The following ANK2 variants were observed in gnomAD, a reference collection of about 807,000 sequenced individuals.
The protein encoded by ANK2 is ankyrin 2, also known as ankyrin-2.
Under a neutral mutation model 360.5 loss-of-function variants are expected in ANK2, and 83 were observed. The observed-to-expected ratio is 0.23, with a 90% CI of 0.19 to 0.28. The LOEUF (loss-of-function observed/expected upper bound fraction) is 0.28, where lower values mean the gene tolerates loss of function less well. Among genes scored for constraint, ANK2 ranks in the 10% least tolerant of loss-of-function variants. ANK2 has a pLI of 1.00. For missense variants in ANK2, 4,201 were observed against 4,795.7 expected, an observed-to-expected ratio of 0.88 and a Z score of 3.66; for synonymous variants, 1,740 against 1,759.5, an observed-to-expected ratio of 0.99 and a Z score of 0.28.
At chr4:112,942,967 T>C (rs371404741) in intron 2 of ANK2, among the ~76,000 whole-genome samples, 1 of 152,236 alleles carries the variant, frequency 6.6e-6, no homozygotes, top group African/African-American at 2.4e-5. Flanking sequence ...TAGTTTTACT[T>C]GCCCAACATA....
chr4:113,184,963 G>A (rs114895329), intron 2 of ANK2, among the ~76,000 whole-genome samples: 2,725 of 152,098 alleles, frequency 0.018, 44 homozygotes, highest in Non-Finnish European at 0.027. Flanking sequence ...GTGTTTGGTT[G>A]TCTGTTCCTG....
chr4:113,062,297 A>G (rs2073879408), intron 1 of ANK2, among the ~76,000 whole-genome samples: 1 of 152,124 alleles, frequency 6.6e-6, no homozygotes, highest in African/African-American at 2.4e-5. Flanking sequence ...GATATGGCCT[A>G]ATCTATAATT....
chr4:112,885,653 C>T (rs1341104764), intron 1 of ANK2, among the ~76,000 whole-genome samples: 4 of 151,220 alleles, frequency 2.6e-5, no homozygotes, highest in South Asian at 2.1e-4. Flanking sequence ...AAAAATTAGC[C>T]GGGCGTGGTG....
chr4:112,909,729 C>A (rs10016365), intron 2 of ANK2, among the ~76,000 whole-genome samples: 39,401 of 152,090 alleles, frequency 0.26, 7,129 homozygotes, highest in African/African-American at 0.51. Flanking sequence ...CTGTACCCTA[C>A]CTGGAACCAA....
At chr4:113,280,961 A>C (rs1476373974) in intron 17 of ANK2, among the ~76,000 whole-genome samples, 2 of 152,222 alleles carry the variant, frequency 1.3e-5, no homozygotes, top group Non-Finnish European at 2.9e-5. Context: ...TTTTCAATAG[A>C]GTCTATGGAC....
the ANK2 span, among the ~76,000 whole-genome samples, chr4:112,740,350 A>G: frequency 2.0e-5 from 3 of 151,884 alleles, no homozygotes; most frequent in African/African-American, 7.3e-5. Flanking sequence ...CAATCCTCCT[A>G]CTTCAGCCTC....
chr4:113,288,371 T>A lies in ANK2; in HGVS notation c.2179-17T>A, dbSNP rs748627672. 2 of 1,605,246 alleles carry A rather than the reference T, an allele frequency of 1.2e-6. No homozygotes were observed. Among genetic ancestry groups the A allele is most frequent in the Admixed American group, 3.3e-5 (2 of 59,986 alleles). On this transcript the variant is annotated splice_polypyrimidine_tract_variant and intron_variant, in intron 19 of 45. Transcript: ENST00000357077. ...TTTCTACTTTATCTATTTTTAACTT[T>A]TTATTATTATTTACAGCTTGGTTAC...
chr4:112,975,847 G>A (rs1423275479), intron 2 of ANK2, among the ~76,000 whole-genome samples: 1 of 151,986 alleles, frequency 6.6e-6, no homozygotes, highest in Non-Finnish European at 1.5e-5. Context: ...TCCTTTTAAG[G>A]GAATTTTTTA....
chr4:112,836,369 A>G (rs978976983), intron 1 of ANK2, among the ~76,000 whole-genome samples: 1 of 152,188 alleles, frequency 6.6e-6, no homozygotes, highest in Admixed American at 6.6e-5. Context: ...TAGTATCTTT[A>G]TAGCAGTGTG....
the ANK2 span, among the ~76,000 whole-genome samples, chr4:112,712,905 G>C: frequency 6.6e-6 from 1 of 151,950 alleles, no homozygotes; most frequent in Admixed American, 6.6e-5. Flanking sequence ...AGTTTAATGA[G>C]TACTGACAAA....
At chr4:112,869,922 T>C (rs142251146) in intron 1 of ANK2, among the ~76,000 whole-genome samples, 4,496 of 152,230 alleles carry the variant, frequency 0.03, 82 homozygotes, top group Middle Eastern at 0.041. Flanking sequence ...ACTGAAGTGA[T>C]CCACCCACCT....
chr4:112,862,220 T>A (rs2068331606), intron 1 of ANK2, among the ~76,000 whole-genome samples: 1 of 152,242 alleles, frequency 6.6e-6, no homozygotes, highest in African/African-American at 2.4e-5. Flanking sequence ...CATTCAATTT[T>A]AAAAATAGGA....
chr4:112,827,704 A>G, intron 1 of ANK2: 1 of 568,634 alleles, frequency 1.8e-6, no homozygotes, highest in Non-Finnish European at 3.1e-6. Context: ...CTGGAACATA[A>G]TCACCAATAT....
At chr4:113,199,858 T>C (rs1418981134) in intron 4 of ANK2, among the ~76,000 whole-genome samples, 1 of 152,196 alleles carries the variant, frequency 6.6e-6, no homozygotes. Context: ...AAGCCAGCTC[T>C]GTTCCATCTA....
At position 112,826,674 on chromosome 4, in the gene ANK2, T is replaced by G. The variant is rs906777502; in HGVS notation, c.-40+8410T>G. 4 of 935,354 alleles carry G rather than the reference T, an allele frequency of 4.3e-6. No homozygotes were observed. In the African/African-American group the frequency reaches 6.8e-5, roughly 16 times the overall value. The allele number at this position is 935,354 out of a possible 1,614,324, so 57.9% of individuals were successfully genotyped here. On this transcript the variant is annotated intron_variant, in intron 1 of 30. Transcript: ENST00000503271. ...GACCACACTTACACATTCCTCAGCA[T>G]TGACCATTCAGAAATCTGGATAGAA...
intron 26 of ANK2, among the ~76,000 whole-genome samples, chr4:113,322,738 A>T (rs1046560409): frequency 6.6e-6 from 1 of 152,170 alleles, no homozygotes; most frequent in African/African-American, 2.4e-5. Flanking sequence ...TTTACCTAAA[A>T]TTTCTCCAAA....
At chr4:112,993,242 A>G (rs1193153216) in intron 2 of ANK2, among the ~76,000 whole-genome samples, 2 of 152,032 alleles carry the variant, frequency 1.3e-5, no homozygotes, top group Non-Finnish European at 2.9e-5. Flanking sequence ...CATGTTTGTG[A>G]CTGCACTCCA....
At chr4:113,117,460 G>C (rs1308508680) in intron 1 of ANK2, 10 of 453,396 alleles carry the variant, frequency 2.2e-5, no homozygotes, top group Non-Finnish European at 4.4e-5. Flanking sequence ...CTGCAGCTCT[G>C]TGTAGCACCA....
chr4:113,157,843 A>G (rs1189426321), intron 1 of ANK2, among the ~76,000 whole-genome samples: 5 of 152,220 alleles, frequency 3.3e-5, no homozygotes, highest in South Asian at 2.1e-4. Context: ...TCTTACCCCA[A>G]AGTATACAGA....
Sources: gnomAD v4.1 joint callset for allele counts (sites outside exome capture counted in the v4.1 genomes callset) on GRCh38, gnomAD v4.1.1 for gene constraint, MANE v1.5 for transcripts, NCBI Gene and HGNC (gene_info 2026-07-23, HGNC 2026-07-21) for gene names.